EDIL3: variants seen among roughly 807,000 people sequenced by gnomAD.
EDIL3 encodes EGF-like repeat and discoidin I-like domain-containing protein 3.
A neutral mutation model predicts 67.4 loss-of-function variants in EDIL3; 37 were observed. The ratio of observed to expected loss-of-function variants is 0.55; its 90% confidence interval spans 0.42 to 0.72. The LOEUF is 0.72. EDIL3 is among the 30% of genes least tolerant of loss of function. The pLI is 0.00. For synonymous variants in EDIL3, 195 were observed against 196.3 expected, an observed-to-expected ratio of 0.99 and a Z score of 0.05; for missense variants, 527 against 586.3, an observed-to-expected ratio of 0.90 and a Z score of 1.04.
At chr5:83,997,617 A>AT (rs1745257387) in intron 9 of EDIL3, among the ~76,000 whole-genome samples, 1 of 152,172 alleles carries the variant, frequency 6.6e-6, no homozygotes, top group African/African-American at 2.4e-5. Flanking sequence ...CGTTTACTAC[A>AT]TAAGTCTAGA....
At position 84,382,376 on chromosome 5, in the gene EDIL3, G is replaced by T. The variant is rs563596872; in HGVS notation, c.67+1932C>A. 3.1e-3 allele frequency among the ~76,000 whole-genome samples: 474 copies of T among 152,270 alleles called. 2 individuals carry two copies. Among genetic ancestry groups the T allele is most frequent in the African/African-American group, 0.011 (437 of 41,556 alleles). Reference sequence around the variant, plus strand: ...TGGCTGCAGCGAGCCGGGACTTGCCGCGCCCCGGGGCTCCCTCAATCAGAC... The same window carrying T: ...TGGCTGCAGCGAGCCGGGACTTGCCTCGCCCCGGGGCTCCCTCAATCAGAC... On this transcript the variant is annotated intron_variant, in intron 1 of 10. Coordinates refer to ENST00000296591, the MANE Select transcript of EDIL3 (RefSeq NM_005711.5).
chr5:84,116,732 C>T (rs1036689182), intron 5 of EDIL3, among the ~76,000 whole-genome samples: 2 of 152,146 alleles, frequency 1.3e-5, no homozygotes, highest in African/African-American at 2.4e-5. Flanking sequence ...GAACTTTAAA[C>T]ATAACAAATG....
At chr5:84,349,408 C>T (rs1747310788) in intron 1 of EDIL3, among the ~76,000 whole-genome samples, 1 of 152,128 alleles carries the variant, frequency 6.6e-6, no homozygotes, top group South Asian at 2.1e-4. Context: ...AGCTATCCCT[C>T]TAATCTAACA....
At chr5:84,275,274 C>A (rs996950973) in intron 1 of EDIL3, among the ~76,000 whole-genome samples, 5 of 152,194 alleles carry the variant, frequency 3.3e-5, no homozygotes, top group Admixed American at 3.3e-4. Flanking sequence ...CATACTATTT[C>A]TCCTATCTGC....
At chr5:84,332,065 C>T (rs985510732) in intron 1 of EDIL3, among the ~76,000 whole-genome samples, 10 of 152,120 alleles carry the variant, frequency 6.6e-5, no homozygotes, top group African/African-American at 2.2e-4. Flanking sequence ...TAACATCAGA[C>T]TCATTCTAGG....
intron 6 of EDIL3, among the ~76,000 whole-genome samples, chr5:84,070,439 G>A (rs374402044): frequency 2.0e-5 from 3 of 152,152 alleles, no homozygotes; most frequent in South Asian, 2.1e-4. Context: ...CTCCCCCTAA[G>A]GGTTTTGCAC....
intron 10 of EDIL3, among the ~76,000 whole-genome samples, chr5:83,951,748 A>G (rs1744425725): frequency 6.6e-6 from 1 of 151,756 alleles, no homozygotes; most frequent in Admixed American, 6.6e-5. Context: ...ATCCTCTGGA[A>G]TTTGAGAGTA....
intron 9 of EDIL3, among the ~76,000 whole-genome samples, chr5:84,025,551 A>G (rs1365842245): frequency 6.6e-6 from 1 of 152,178 alleles, no homozygotes; most frequent in Non-Finnish European, 1.5e-5. Flanking sequence ...AATGTAATGC[A>G]CTTGAATCAT....
At chr5:84,168,747 A>G (rs1204587926) in intron 4 of EDIL3, among the ~76,000 whole-genome samples, 1 of 152,162 alleles carries the variant, frequency 6.6e-6, no homozygotes, top group South Asian at 2.1e-4. Context: ...GGTCCAAGCC[A>G]CCATCACCTC....
intron 9 of EDIL3, among the ~76,000 whole-genome samples, chr5:83,980,787 C>T (rs1050413200): frequency 5.3e-5 from 8 of 150,472 alleles, no homozygotes; most frequent in South Asian, 2.1e-4. Context: ...TAAACAAATT[C>T]AATGAGTTTG....
intron 1 of EDIL3, among the ~76,000 whole-genome samples, chr5:84,314,630 G>A (rs755990411): frequency 3.9e-5 from 6 of 152,152 alleles, no homozygotes; most frequent in Non-Finnish European, 8.8e-5. Flanking sequence ...AAAACACGTT[G>A]AAGATAAATT....
intron 2 of EDIL3, among the ~76,000 whole-genome samples, chr5:84,236,617 T>C (rs1450494906): frequency 6.6e-6 from 1 of 152,072 alleles, no homozygotes; most frequent in African/African-American, 2.4e-5. Flanking sequence ...TGGTACATAA[T>C]ATTTTCCAGC....
At chr5:84,308,074 T>C (rs377522642) in intron 1 of EDIL3, among the ~76,000 whole-genome samples, 2 of 152,164 alleles carry the variant, frequency 1.3e-5, no homozygotes, top group African/African-American at 2.4e-5. Flanking sequence ...ACAAAGCAAG[T>C]TGAAGGCAGG....
intron 10 of EDIL3, among the ~76,000 whole-genome samples, 180 bp downstream of exon 10, chr5:83,963,025 T>C (rs1268749625): frequency 1.3e-5 from 2 of 151,692 alleles, no homozygotes; most frequent in African/African-American, 4.8e-5. Context: ...GGTTGCACCA[T>C]TGCATACCAG....
intron 1 of EDIL3, among the ~76,000 whole-genome samples, chr5:84,371,201 G>A (rs1747836927): frequency 6.6e-6 from 1 of 150,866 alleles, no homozygotes; most frequent in Admixed American, 6.6e-5. Flanking sequence ...GTGTGAGCAT[G>A]AGTTACTTGG....
At chr5:84,325,143 A>AT (rs957200685) in intron 1 of EDIL3, among the ~76,000 whole-genome samples, 2 of 151,804 alleles carry the variant, frequency 1.3e-5, no homozygotes, top group Non-Finnish European at 2.9e-5. Context: ...GAACTACATG[A>AT]TTTTTTTTAA....
At chr5:84,085,011 T>C (rs930527146) in intron 6 of EDIL3, among the ~76,000 whole-genome samples, 5 of 152,216 alleles carry the variant, frequency 3.3e-5, no homozygotes, top group Non-Finnish European at 7.3e-5. Flanking sequence ...AATCAGGGTA[T>C]TTTGTTAGCA....
intron 3 of EDIL3, among the ~76,000 whole-genome samples, chr5:84,207,374 C>T (rs1400459252): frequency 6.6e-6 from 1 of 152,118 alleles, no homozygotes. Context: ...GAACTACAAA[C>T]CACTGCTCAT....
chr5:84,221,238 T>G (rs1744334961), intron 3 of EDIL3, among the ~76,000 whole-genome samples: 2 of 152,156 alleles, frequency 1.3e-5, no homozygotes, highest in African/African-American at 4.8e-5. Flanking sequence ...GATTTTATTA[T>G]TTTAATTGTT....
Sources: gnomAD v4.1 joint callset for allele counts (sites outside exome capture counted in the v4.1 genomes callset) on GRCh38, gnomAD v4.1.1 for gene constraint, MANE v1.5 for transcripts, NCBI Gene and HGNC (gene_info 2026-07-23, HGNC 2026-07-21) for gene names.